The following IL15 variants were observed in gnomAD, a reference collection of about 807,000 sequenced individuals.
The protein encoded by IL15 is interleukin 15, also known as interleukin-15.
A neutral mutation model predicts 19.6 loss-of-function variants in IL15; 11 were observed. The ratio of observed to expected loss-of-function variants is 0.56; its 90% CI spans 0.35 to 0.93. The LOEUF is 0.93. IL15 is among the 40% of genes least tolerant of loss of function. The pLI, the probability that IL15 is intolerant of heterozygous loss-of-function variation, is 0.01. For missense variants in IL15, 197 were observed against 186.5 expected (o/e 1.06, Z -0.33); for synonymous variants, 58 against 59.6 (o/e 0.97, Z 0.12).
chr4:141,659,397 T>G (rs890126579), intron 2 of IL15, among the ~76,000 whole-genome samples: 3 of 151,876 alleles, frequency 2.0e-5, no homozygotes, highest in Non-Finnish European at 4.4e-5. Flanking sequence ...GAGACGGAGT[T>G]TCACCATGTT....
chr4:141,639,164 C>T (rs1391675144), intron 1 of IL15, among the ~76,000 whole-genome samples: 1 of 152,038 alleles, frequency 6.6e-6, no homozygotes, highest in Non-Finnish European at 1.5e-5. Flanking sequence ...TTATCAAGGT[C>T]ACAGAGCTAG....
intron 2 of IL15, among the ~76,000 whole-genome samples, chr4:141,695,314 T>G (rs952840285): frequency 6.7e-5 from 9 of 133,810 alleles, no homozygotes; most frequent in Non-Finnish European, 9.2e-5. Flanking sequence ...ATTCCACATA[T>G]GAGTGAGATT....
At chr4:141,699,540 T>G (rs1729215210) in intron 2 of IL15, among the ~76,000 whole-genome samples, 1 of 152,202 alleles carries the variant, frequency 6.6e-6, no homozygotes, top group Admixed American at 6.5e-5. Flanking sequence ...TTTAGGATTG[T>G]AGCATCTTTC....
chr4:141,666,785 A>T (rs192431928), intron 2 of IL15, among the ~76,000 whole-genome samples: 17 of 152,320 alleles, frequency 1.1e-4, no homozygotes, highest in Admixed American at 3.9e-4. Flanking sequence ...GTAAGTCATA[A>T]GATCCCCATT....
At chr4:141,710,613 C>A (rs1729685295) in intron 2 of IL15, among the ~76,000 whole-genome samples, 1 of 152,120 alleles carries the variant, frequency 6.6e-6, no homozygotes, top group East Asian at 1.9e-4. Flanking sequence ...TATGTTTAGA[C>A]TTACTACTGC....
intron 6 of IL15, among the ~76,000 whole-genome samples, chr4:141,728,985 C>T (rs1455501693): frequency 1.3e-5 from 2 of 152,120 alleles, no homozygotes; most frequent in Non-Finnish European, 2.9e-5. Flanking sequence ...ACTGACTCCA[C>T]CACTTTTTAC....
At position 141,645,259 on chromosome 4, in the gene IL15, C is replaced by T. The variant is rs190741788; in HGVS notation, c.-222+8511C>T. On this transcript the variant is annotated intron_variant, in intron 1 of 7. Coordinates refer to ENST00000320650, the MANE Select transcript of IL15 (RefSeq NM_000585.5). ...GGGAAGTCAAGGTGCCATAGAAACC[C>T]TTACCATTTTTAGAAGCCTTTTGAC... 2.8e-4 allele frequency among the ~76,000 whole-genome samples: 43 copies of T among 152,220 alleles called. 1 individual carries two copies. The highest frequency in any genetic ancestry group is 2.4e-3 in the Admixed American group (36 of 15,284).
intron 1 of IL15, among the ~76,000 whole-genome samples, chr4:141,647,384 T>A (rs1727260998): frequency 6.6e-6 from 1 of 152,044 alleles, no homozygotes. Context: ...GTCCTGTAAG[T>A]GATTAGAAGT....
chr4:141,695,648 C>T (rs1729067400), intron 2 of IL15, among the ~76,000 whole-genome samples: 1 of 151,936 alleles, frequency 6.6e-6, no homozygotes, highest in Non-Finnish European at 1.5e-5. Context: ...TTTGAGGAAC[C>T]TCTATACTGT....
intron 2 of IL15, among the ~76,000 whole-genome samples, chr4:141,687,409 G>T (rs888766672): frequency 6.6e-6 from 1 of 152,104 alleles, no homozygotes; most frequent in Non-Finnish European, 1.5e-5. Flanking sequence ...AATGCTGGCA[G>T]CCTGCCTGCT....
intron 1 of IL15, among the ~76,000 whole-genome samples, chr4:141,650,203 A>G (rs545535746): frequency 2.6e-5 from 4 of 152,026 alleles, no homozygotes; most frequent in Non-Finnish European, 4.4e-5. Context: ...TTGTCACAGA[A>G]AATTGTAACT....
chr4:141,722,053 G>A (rs1275705566), intron 5 of IL15, 45 bp downstream of exon 5: 1 of 1,503,890 alleles, frequency 6.6e-7, no homozygotes, highest in African/African-American at 1.4e-5. Context: ...AACTGCTATG[G>A]AGTTTGTCTC....
chr4:141,641,592 C>CA (rs1214967200), intron 1 of IL15, among the ~76,000 whole-genome samples: 6 of 146,284 alleles, frequency 4.1e-5, no homozygotes, highest in Admixed American at 2.9e-4. Flanking sequence ...ATTGCAAGGA[C>CA]AAAAAACCAA....
intron 5 of IL15, among the ~76,000 whole-genome samples, chr4:141,724,603 A>G (rs1730198579): frequency 1.3e-5 from 2 of 152,140 alleles, no homozygotes; most frequent in Admixed American, 1.3e-4. Context: ...AAATCTCAGG[A>G]ATGAAATTTG....
intron 1 of IL15, among the ~76,000 whole-genome samples, chr4:141,647,553 T>A (rs1451896575): frequency 6.6e-6 from 1 of 152,012 alleles, no homozygotes; most frequent in Non-Finnish European, 1.5e-5. Flanking sequence ...GGACTGTCAC[T>A]GAGCTAAGCA....
intron 2 of IL15, among the ~76,000 whole-genome samples, chr4:141,665,277 T>C (rs1727931840): frequency 6.6e-6 from 1 of 152,100 alleles, no homozygotes; most frequent in East Asian, 1.9e-4. Flanking sequence ...ATGCTAAACG[T>C]TTAATAAGAA....
intron 2 of IL15, chr4:141,718,965 A>G (rs1258163519): frequency 6.6e-6 from 1 of 152,480 alleles, no homozygotes; most frequent in Non-Finnish European, 1.5e-5. Context: ...GAAGATACAT[A>G]TTCAGTGGCT....
chr4:141,720,794 A>G (rs1186358681), intron 4 of IL15: 3 of 559,976 alleles, frequency 5.4e-6, no homozygotes, highest in African/African-American at 3.8e-5. Flanking sequence ...TAGCCCTCAA[A>G]TAAATTGGGC....
chr4:141,712,360 G>A (rs1449232282), intron 2 of IL15, among the ~76,000 whole-genome samples: 1 of 152,004 alleles, frequency 6.6e-6, no homozygotes, highest in Admixed American at 6.6e-5. Context: ...GCTGTCCATT[G>A]TTCCTGCCCT....
Sources: allele counts gnomAD v4.1 joint callset (sites outside exome capture counted in the v4.1 genomes callset), GRCh38; gene constraint gnomAD v4.1.1; transcripts MANE v1.5; gene names NCBI Gene and HGNC (gene_info 2026-07-23, HGNC 2026-07-21).